The following SPECC1L variants were observed in gnomAD, a reference collection of about 807,000 sequenced individuals.
SPECC1L encodes sperm antigen with calponin homology and coiled-coil domains 1 like, also known as cytospin-A.
Under a neutral mutation model 116.8 loss-of-function variants are expected in SPECC1L, and 40 were observed. The observed-to-expected ratio is 0.34, with a 90% confidence interval of 0.27 to 0.45. The LOEUF (loss-of-function observed/expected upper bound fraction) is 0.45, where lower values mean the gene tolerates loss of function less well. Ranked by LOEUF, SPECC1L falls within the 20% of genes least tolerant of loss-of-function variation. The pLI is 1.00. For synonymous variants in SPECC1L, 504 were observed against 500.6 expected, an observed-to-expected ratio of 1.01 and a Z score of -0.09; for missense variants, 1,110 against 1,373.6, an observed-to-expected ratio of 0.81 and a Z score of 3.03.
chr22:24,356,101 T>A (rs1218742414), intron 11 of SPECC1L, among the ~76,000 whole-genome samples: 1 of 152,214 alleles, frequency 6.6e-6, no homozygotes. Flanking sequence ...CAGCTTTTTT[T>A]TTAAGTCTGG....
intron 2 of SPECC1L, among the ~76,000 whole-genome samples, chr22:24,294,163 T>G (rs1294314468): frequency 1.0e-5 from 1 of 97,202 alleles, no homozygotes; most frequent in African/African-American, 4.3e-5. Flanking sequence ...TGAACCTGTG[T>G]TTACTCTCAT....
chr22:24,371,653 G>A (rs146791675), intron 14 of SPECC1L, among the ~76,000 whole-genome samples: 1,650 of 152,196 alleles, frequency 0.011, 28 homozygotes, highest in African/African-American at 0.036. Flanking sequence ...AAAAATGAAC[G>A]CAGCATACCA....
At position 24,321,275 on chromosome 22, in the gene SPECC1L, A is replaced by G. The variant is rs2040717342; in HGVS notation, c.308-13A>G. The G allele has an allele frequency of 5.0e-6, 8 of 1,612,834 alleles. No homozygotes were observed. The highest frequency in any genetic ancestry group is 6.8e-6 in the Non-Finnish European group (8 of 1,179,996). On this transcript the variant is annotated splice_polypyrimidine_tract_variant and intron_variant, in intron 4 of 16. Coordinates refer to ENST00000314328, the MANE Select transcript of SPECC1L (RefSeq NM_015330.6). The stretch of plus-strand genomic sequence containing the variant: ...GACATTTTTGCCTTACATTTTTTGT[A>G]TTAAACACATAGGCACAGCTTCTTC...
At chr22:24,409,684 A>G (rs865847295) in intron 14 of SPECC1L, among the ~76,000 whole-genome samples, 5 of 152,344 alleles carry the variant, frequency 3.3e-5, no homozygotes, top group South Asian at 2.1e-4. Context: ...TGAATTATAT[A>G]TTCCTTTTAT....
intron 2 of SPECC1L, among the ~76,000 whole-genome samples, chr22:24,283,518 A>C (rs1369888241): frequency 6.6e-6 from 1 of 152,180 alleles, no homozygotes; most frequent in East Asian, 1.9e-4. Context: ...ATTTATTTTC[A>C]CGAGAGATAT....
chr22:24,296,261 A>C (rs1230836515), intron 2 of SPECC1L, among the ~76,000 whole-genome samples: 5 of 152,198 alleles, frequency 3.3e-5, no homozygotes, highest in Non-Finnish European at 5.9e-5. Context: ...TCATGTGAGG[A>C]TCCAGTGAAC....
chr22:24,387,342 A>G (rs1453385909), intron 14 of SPECC1L, among the ~76,000 whole-genome samples: 1 of 152,200 alleles, frequency 6.6e-6, no homozygotes, highest in African/African-American at 2.4e-5. Context: ...AAGCCAAAAC[A>G]GTGGTGAGAT....
intron 4 of SPECC1L, 119 bp from the exon 5 acceptor site, chr22:24,321,163 GTAGATC>G: frequency 3.7e-6 from 4 of 1,072,984 alleles, no homozygotes; most frequent in Non-Finnish European, 4.2e-6. Flanking sequence ...CAAGATTATT[GTAGATC>G]TAAATCATTG....
At chr22:24,335,725 A>G (rs2041040172) in intron 9 of SPECC1L, among the ~76,000 whole-genome samples, 1 of 152,194 alleles carries the variant, frequency 6.6e-6, no homozygotes, top group Non-Finnish European at 1.5e-5. Context: ...TGGTGTAGAC[A>G]TTCTGGAGGA....
At chr22:24,346,134 G>A (rs530178996) in intron 10 of SPECC1L, among the ~76,000 whole-genome samples, 3 of 151,960 alleles carry the variant, frequency 2.0e-5, no homozygotes, top group South Asian at 4.2e-4. Context: ...AGCCTCCCAA[G>A]TAGCTGAGAT....
intron 14 of SPECC1L, among the ~76,000 whole-genome samples, chr22:24,399,242 T>C (rs748470450): frequency 2.2e-4 from 34 of 152,348 alleles, no homozygotes; most frequent in Middle Eastern, 3.4e-3. Flanking sequence ...TATTTTATTC[T>C]GAACTGTCCC....
At chr22:24,349,503 T>C (rs2041376668) in intron 11 of SPECC1L, among the ~76,000 whole-genome samples, 2 of 152,232 alleles carry the variant, frequency 1.3e-5, no homozygotes, top group South Asian at 4.1e-4. Context: ...TCTCGCCTGT[T>C]CTTCTCTGGA....
intron 14 of SPECC1L, among the ~76,000 whole-genome samples, chr22:24,373,491 C>T (rs1386484477): frequency 4.0e-5 from 6 of 151,312 alleles, no homozygotes; most frequent in Non-Finnish European, 8.8e-5. Flanking sequence ...ACCATCTGAT[C>T]TTTGACAGAC....
At chr22:24,274,589 A>G (rs1339259096) in intron 1 of SPECC1L, among the ~76,000 whole-genome samples, 1 of 152,224 alleles carries the variant, frequency 6.6e-6, no homozygotes, top group Admixed American at 6.5e-5. Context: ...AAATCTGTAA[A>G]TAAGAGAAGA....
rs1300588446 is a variant in SPECC1L at position 24,415,048 on chromosome 22, G to A, written c.*425G>A. On this transcript the variant is annotated 3_prime_UTR_variant, in exon 17 of 17. Coordinates refer to ENST00000314328, the MANE Select transcript of SPECC1L (RefSeq NM_015330.6). ...GCACTTCCTGACTATTGGCTGGGGT[G>A]GGTTCCGGTGCTGGTGAGAACCCAG... 4.0e-6 allele frequency: 1 copy of A among 250,614 alleles called. No homozygotes were observed. Among genetic ancestry groups the A allele is most frequent in the African/African-American group, 2.2e-5 (1 of 45,296 alleles). 15.5% of individuals were successfully genotyped at this position (250,614 alleles called of 1,614,324 possible).
At chr22:24,302,415 GTT>G (rs777196583) in intron 3 of SPECC1L, 31 bp downstream of exon 3, 1 of 1,612,456 alleles carries the variant, frequency 6.2e-7, no homozygotes, top group South Asian at 1.1e-5. Context: ...TACATGATGG[GTT>G]TTTGGAGGAC....
In SPECC1L at chr22:24,321,846, T is replaced by C. The variant is rs1244549733; in HGVS notation, c.866T>C (p.Phe289Ser). 2.5e-6 allele frequency: 4 copies of C among 1,614,228 alleles called. No individual in the cohort carries two copies. In the Admixed American group the frequency reaches 5.0e-5, roughly 20 times the overall value. ...EQRLDNSEKLFGYQSLSPEIT... is the reference protein window; with the variant it reads ...EQRLDNSEKLSGYQSLSPEIT... ...AGGTTAGACAATTCTGAAAAACTGT[T>C]TGGCTATCAGTCCCTGAGCCCAGAA... The change falls in exon 5 of 17, where the codon TTT (phenylalanine) becomes TCT (serine). Residue 289 changes from phenylalanine (F) to serine (S), a missense_variant. Coordinates refer to ENST00000314328, the MANE Select transcript of SPECC1L (RefSeq NM_015330.6).
At chr22:24,365,846 CTT>C (rs202229268) in intron 13 of SPECC1L, among the ~76,000 whole-genome samples, 118 of 129,980 alleles carry the variant, frequency 9.1e-4, no homozygotes, top group South Asian at 4.0e-3. Context: ...GCAGCTGTAT[CTT>C]TTTTTTTTTT....
intron 9 of SPECC1L, among the ~76,000 whole-genome samples, chr22:24,335,402 A>G (rs908350072): frequency 3.3e-5 from 5 of 152,150 alleles, no homozygotes; most frequent in South Asian, 2.1e-4. Context: ...CCCACTCACT[A>G]TAGTCCTACA....
Sources: gnomAD v4.1 joint callset for allele counts (sites outside exome capture counted in the v4.1 genomes callset) on GRCh38, gnomAD v4.1.1 for gene constraint, MANE v1.5 for transcripts, NCBI Gene and HGNC (gene_info 2026-07-23, HGNC 2026-07-21) for gene names.